CSMD3: variants seen among roughly 807,000 people sequenced by gnomAD.
CSMD3 encodes the protein CUB and sushi domain-containing protein 3.
A neutral mutation model predicts 435.2 loss-of-function variants in CSMD3; 177 were observed. The observed-to-expected ratio is 0.41, with a 90% CI of 0.36 to 0.46. CSMD3 has a LOEUF of 0.46. Among genes scored for constraint, CSMD3 ranks in the 20% least tolerant of loss-of-function variants. CSMD3 has a pLI of 0.34. For synonymous variants in CSMD3, 1,656 were observed against 1,520.5 expected, an observed-to-expected ratio of 1.09 and a Z score of -2.07; for missense variants, 4,265 against 4,504.6, an observed-to-expected ratio of 0.95 and a Z score of 1.52.
chr8:113,306,674 T>A (rs1399133263), intron 2 of CSMD3, among the ~76,000 whole-genome samples: 1 of 152,124 alleles, frequency 6.6e-6, no homozygotes, highest in African/African-American at 2.4e-5. Context: ...AGAGAAGAAA[T>A]ACTAACCATG....
intron 3 of CSMD3, among the ~76,000 whole-genome samples, chr8:113,222,347 A>G (rs1244402517): frequency 3.3e-5 from 5 of 151,056 alleles, no homozygotes; most frequent in Non-Finnish European, 7.4e-5. Context: ...GAAAACCTGT[A>G]TAAAAAAGAA....
At chr8:113,136,910 C>A (rs1288312902) in intron 4 of CSMD3, among the ~76,000 whole-genome samples, 1 of 151,520 alleles carries the variant, frequency 6.6e-6, no homozygotes, top group Non-Finnish European at 1.5e-5. Flanking sequence ...GTCAAGCAGA[C>A]AGCCTATAAA....
intron 8 of CSMD3, among the ~76,000 whole-genome samples, 187 bp downstream of exon 8, chr8:112,954,497 G>A (rs953315528): frequency 3.3e-5 from 5 of 151,372 alleles, no homozygotes; most frequent in East Asian, 1.9e-4. Flanking sequence ...AGTTTGCCAC[G>A]TTAATCCATT....
At chr8:112,373,837 G>A (rs574144232) in intron 38 of CSMD3, among the ~76,000 whole-genome samples, 2 of 152,256 alleles carry the variant, frequency 1.3e-5, no homozygotes, top group Non-Finnish European at 2.9e-5. Flanking sequence ...ATTCGCTGGA[G>A]TTTCTGGGAG....
At chr8:113,397,058 A>G (rs6469456) in intron 1 of CSMD3, among the ~76,000 whole-genome samples, 69,960 of 151,906 alleles carry the variant, frequency 0.46, 16,463 homozygotes, top group African/African-American at 0.53. Context: ...AAAGAAGATA[A>G]TGCCTATTTT....
intron 3 of CSMD3, among the ~76,000 whole-genome samples, chr8:113,265,644 G>A (rs542118722): frequency 5.9e-5 from 9 of 151,598 alleles, no homozygotes; most frequent in South Asian, 2.1e-4. Context: ...ATATCTAGCC[G>A]AATCTGAATA....
chr8:112,982,092 G>T (rs1318082532), intron 6 of CSMD3, among the ~76,000 whole-genome samples: 1 of 151,626 alleles, frequency 6.6e-6, no homozygotes, highest in Non-Finnish European at 1.5e-5. Flanking sequence ...TTGATTAAGA[G>T]AAATTTGTAG....
intron 32 of CSMD3, among the ~76,000 whole-genome samples, chr8:112,435,022 C>G (rs1312389818): frequency 6.6e-6 from 1 of 152,004 alleles, no homozygotes; most frequent in Non-Finnish European, 1.5e-5. Context: ...TTTGTTTTAT[C>G]TATTCTTAAG....
intron 1 of CSMD3, among the ~76,000 whole-genome samples, chr8:113,428,205 TATCTATC>T (rs1385182303): frequency 1.8e-4 from 2 of 11,024 alleles, no homozygotes; most frequent in Admixed American, 6.1e-4. Context: ...AACTGTGGGA[TATCTATC>T]TATCTATCTA....
At chr8:112,772,344 T>G (rs897521121) in intron 13 of CSMD3, among the ~76,000 whole-genome samples, 7 of 152,100 alleles carry the variant, frequency 4.6e-5, no homozygotes, top group African/African-American at 1.7e-4. Flanking sequence ...CTGTGTCAAC[T>G]CAGGGTTAAA....
At chr8:112,635,757 C>T (rs1010771200) in intron 22 of CSMD3, among the ~76,000 whole-genome samples, 6 of 152,002 alleles carry the variant, frequency 3.9e-5, no homozygotes, top group East Asian at 1.9e-4. Flanking sequence ...CACAGGAATT[C>T]CCACATTCTA....
chr8:112,409,039 A>G lies in CSMD3; in HGVS notation c.5396-7T>C, dbSNP rs367788412. On this transcript the variant is annotated splice_polypyrimidine_tract_variant and splice_region_variant and intron_variant, in intron 32 of 70. Coordinates refer to ENST00000297405, the MANE Select transcript of CSMD3 (RefSeq NM_198123.2). Reference sequence around the variant, plus strand: ...ACAAACTGGCCAAACACCACTGATCAACAGGAACCCGGAGAAGCAAACAAA... The same window carrying G: ...ACAAACTGGCCAAACACCACTGATCGACAGGAACCCGGAGAAGCAAACAAA... 26 of 1,613,340 alleles carry G rather than the reference A, an allele frequency of 1.6e-5. No homozygotes were observed. The highest frequency in any genetic ancestry group is 1.9e-5 in the Non-Finnish European group (23 of 1,179,598).
At chr8:112,699,906 C>A (rs1587004735) in intron 13 of CSMD3, among the ~76,000 whole-genome samples, 2 of 152,130 alleles carry the variant, frequency 1.3e-5, no homozygotes, top group East Asian at 1.9e-4. Context: ...GACATGACAA[C>A]AATGCAATGC....
intron 6 of CSMD3, among the ~76,000 whole-genome samples, chr8:113,007,129 G>A (rs555617405): frequency 2.6e-5 from 4 of 151,994 alleles, no homozygotes; most frequent in South Asian, 4.2e-4. Flanking sequence ...TCCTCTGGAC[G>A]ACAAGGCCCA....
At chr8:112,603,041 C>A (rs1249456834) in intron 22 of CSMD3, among the ~76,000 whole-genome samples, 1 of 152,142 alleles carries the variant, frequency 6.6e-6, no homozygotes, top group East Asian at 1.9e-4. Flanking sequence ...CCATGGCAGG[C>A]TAATTTTTGT....
chr8:112,376,846 A>C lies in CSMD3; in HGVS notation c.6136+3506T>G, dbSNP rs182954449. 6.2e-4 allele frequency among the ~76,000 whole-genome samples: 94 copies of C among 152,276 alleles called. 1 individual carries two copies. The highest frequency in any genetic ancestry group is 2.2e-3 in the African/African-American group (93 of 41,576). On this transcript the variant is annotated intron_variant, in intron 38 of 70. Coordinates refer to ENST00000297405, the MANE Select transcript of CSMD3 (RefSeq NM_198123.2). ...TATACTCAGTGTTAAAGACACAAAAACACTCTAAAGGATATGGTAAACTGC... is the reference window on the plus strand; with the variant it reads ...TATACTCAGTGTTAAAGACACAAAACCACTCTAAAGGATATGGTAAACTGC...
At chr8:112,634,690 T>G (rs1449179783) in intron 22 of CSMD3, among the ~76,000 whole-genome samples, 1 of 152,018 alleles carries the variant, frequency 6.6e-6, no homozygotes, top group East Asian at 1.9e-4. Context: ...TTTTCATAGA[T>G]CCATTTATTA....
At chr8:112,285,192 T>C (rs1819058005) in intron 58 of CSMD3, among the ~76,000 whole-genome samples, 1 of 152,112 alleles carries the variant, frequency 6.6e-6, no homozygotes, top group Non-Finnish European at 1.5e-5. Flanking sequence ...CAAGTCTGCA[T>C]TTCATCTATA....
intron 10 of CSMD3, among the ~76,000 whole-genome samples, chr8:112,867,757 G>C (rs955474685): frequency 2.0e-5 from 3 of 152,106 alleles, no homozygotes; most frequent in African/African-American, 7.2e-5. Context: ...ACCATGAATA[G>C]AGTTTGCAGG....
Sources: allele counts gnomAD v4.1 joint callset (sites outside exome capture counted in the v4.1 genomes callset), GRCh38; gene constraint gnomAD v4.1.1; transcripts MANE v1.5; gene names NCBI Gene and HGNC (gene_info 2026-07-23, HGNC 2026-07-21).